Variants in PTPRM observed in about 807,000 individuals in gnomAD.
PTPRM encodes receptor-type tyrosine-protein phosphatase mu.
PTPRM carries 47 observed loss-of-function variants against 186.7 expected under a neutral mutation model. The observed-to-expected ratio is 0.25, with a 90% CI of 0.20 to 0.32. The LOEUF is 0.32. Among genes scored for constraint, PTPRM ranks in the 10% least tolerant of loss-of-function variants. The pLI, the probability that PTPRM is intolerant of heterozygous loss-of-function variation, is 1.00. For synonymous variants in PTPRM, 668 were observed against 674.9 expected (o/e 0.99, Z 0.16); for missense variants, 1,494 against 1,865.0 (o/e 0.80, Z 3.66).
chr18:8,068,857 T>C (rs2089269701), intron 7 of PTPRM, among the ~76,000 whole-genome samples: 1 of 152,176 alleles, frequency 6.6e-6, no homozygotes, highest in Non-Finnish European at 1.5e-5. Context: ...CCCAGCACTT[T>C]GGGAGGCCAA....
rs532339626 is a variant in PTPRM, at chr18:7,626,511, T to G, written c.73+58620T>G. 2.6e-5 allele frequency among the ~76,000 whole-genome samples: 4 copies of G among 152,100 alleles called. No individual in the cohort carries two copies. The South Asian group carries it at 8.3e-4, about 32-fold the overall frequency. On this transcript the variant is annotated intron_variant, in intron 1 of 32. Transcript: ENST00000580170. ...TGACCTGAAGAACCTGTATGGAGAG[T>G]GGAAGGGGCATACAGATGACTTCTG...
chr18:8,231,031 C>G (rs2094280105), intron 14 of PTPRM, among the ~76,000 whole-genome samples: 1 of 152,164 alleles, frequency 6.6e-6, no homozygotes, highest in South Asian at 2.1e-4. Context: ...ATGCCAGGAC[C>G]AAAGAGCCAT....
At chr18:7,695,000 C>T (rs532849869) in intron 1 of PTPRM, among the ~76,000 whole-genome samples, 33 of 152,232 alleles carry the variant, frequency 2.2e-4, no homozygotes, top group Admixed American at 6.5e-4. Context: ...TCCTGACAGT[C>T]GCCATGAGAA....
intron 3 of PTPRM, among the ~76,000 whole-genome samples, chr18:7,900,183 C>T (rs117967813): frequency 0.011 from 1,653 of 152,316 alleles, 11 homozygotes; most frequent in Middle Eastern, 0.024. Flanking sequence ...GTGGCAGCTA[C>T]TCAACTCTGC....
intron 29 of PTPRM, among the ~76,000 whole-genome samples, chr18:8,380,994 T>G (rs1398943283): frequency 6.6e-6 from 1 of 152,154 alleles, no homozygotes; most frequent in Non-Finnish European, 1.5e-5. Context: ...GCAATTAGTT[T>G]TCTCAATGCT....
intron 1 of PTPRM, among the ~76,000 whole-genome samples, chr18:7,623,064 A>C (rs998962632): frequency 2.0e-5 from 3 of 152,138 alleles, no homozygotes; most frequent in Admixed American, 1.3e-4. Context: ...TTTTTATTTT[A>C]TAAATTCTCA....
At chr18:8,306,746 A>G (rs765246550) in intron 20 of PTPRM, among the ~76,000 whole-genome samples, 1 of 152,208 alleles carries the variant, frequency 6.6e-6, no homozygotes, top group African/African-American at 2.4e-5. Flanking sequence ...TAAGCCTTCA[A>G]AACAAACCTG....
intron 7 of PTPRM, among the ~76,000 whole-genome samples, chr18:7,960,859 G>A (rs2053634275): frequency 6.6e-6 from 1 of 152,026 alleles, no homozygotes; most frequent in African/African-American, 2.4e-5. Flanking sequence ...AAGGGATAGA[G>A]AATAGAGAGG....
At chr18:7,880,499 T>C (rs1356114349) in intron 2 of PTPRM, among the ~76,000 whole-genome samples, 2 of 152,214 alleles carry the variant, frequency 1.3e-5, no homozygotes, top group Non-Finnish European at 2.9e-5. Flanking sequence ...AAGTATTTTA[T>C]GTTTGTAGGA....
intron 1 of PTPRM, among the ~76,000 whole-genome samples, chr18:7,737,839 C>G (rs2040804300): frequency 1.3e-5 from 2 of 152,198 alleles, no homozygotes; most frequent in African/African-American, 4.8e-5. Flanking sequence ...AGGCTCTGCT[C>G]CTTCTCCCCA....
intron 19 of PTPRM, among the ~76,000 whole-genome samples, chr18:8,268,111 A>C (rs2147588385): frequency 6.6e-6 from 1 of 152,280 alleles, no homozygotes; most frequent in Non-Finnish European, 1.5e-5. Flanking sequence ...AGTCAGCGTT[A>C]GGAAAAACTC....
At chr18:7,742,384 A>G (rs1467545857) in intron 1 of PTPRM, among the ~76,000 whole-genome samples, 1 of 152,190 alleles carries the variant, frequency 6.6e-6, no homozygotes, top group Non-Finnish European at 1.5e-5. Context: ...CTGATTGTGC[A>G]AAATAGTTGA....
At chr18:7,607,892 G>A (rs1214629103) in intron 1 of PTPRM, among the ~76,000 whole-genome samples, 1 of 152,238 alleles carries the variant, frequency 6.6e-6, no homozygotes, top group East Asian at 1.9e-4. Context: ...CCCGAATGGT[G>A]TAGGGGGTGA....
At chr18:7,885,028 G>T (rs952928223) in intron 2 of PTPRM, among the ~76,000 whole-genome samples, 21 of 149,610 alleles carry the variant, frequency 1.4e-4, no homozygotes, top group African/African-American at 4.7e-4. Flanking sequence ...CAGCTTTGTA[G>T]CTGGCAAGTG....
intron 15 of PTPRM, among the ~76,000 whole-genome samples, chr18:8,244,542 C>A (rs1010275826): frequency 2.6e-5 from 4 of 152,158 alleles, no homozygotes; most frequent in African/African-American, 9.7e-5. Context: ...TGTAAACTAT[C>A]CAGGTGTGGA....
intron 1 of PTPRM, among the ~76,000 whole-genome samples, chr18:7,770,966 GTC>G (rs1598612711): frequency 1.3e-5 from 2 of 151,416 alleles, no homozygotes; most frequent in East Asian, 1.9e-4. Flanking sequence ...TCATTCATAA[GTC>G]CCGAAAGAAC....
chr18:7,885,102 C>T (rs1394529026), intron 2 of PTPRM, among the ~76,000 whole-genome samples: 1 of 151,946 alleles, frequency 6.6e-6, no homozygotes, highest in Non-Finnish European at 1.5e-5. Context: ...GGCACAGACC[C>T]CATGAGACCA....
chr18:8,384,876 A>T (rs1213971024), intron 30 of PTPRM, among the ~76,000 whole-genome samples, 190 bp downstream of exon 30: 1 of 152,240 alleles, frequency 6.6e-6, no homozygotes, highest in Admixed American at 6.5e-5. Context: ...GAAAGTAATG[A>T]TACTTATTAA....
chr18:7,658,055 C>T (rs961382839), intron 1 of PTPRM, among the ~76,000 whole-genome samples: 3 of 152,196 alleles, frequency 2.0e-5, no homozygotes, highest in African/African-American at 7.2e-5. Flanking sequence ...TTAAGATTTA[C>T]TCTCTCAGCA....
Sources: allele counts gnomAD v4.1 joint callset (sites outside exome capture counted in the v4.1 genomes callset), GRCh38; gene constraint gnomAD v4.1.1; transcripts MANE v1.5; gene names NCBI Gene and HGNC (gene_info 2026-07-23, HGNC 2026-07-21).